The following SMOC1 variants were observed in gnomAD, a reference collection of about 807,000 sequenced individuals.
SMOC1 encodes SPARC-related modular calcium-binding protein 1.
Under a neutral mutation model 56.3 loss-of-function variants are expected in SMOC1, and 22 were observed. The ratio of observed to expected loss-of-function variants is 0.39; its 90% CI spans 0.28 to 0.56. The LOEUF is 0.56. Among genes scored for constraint, SMOC1 ranks in the 20% least tolerant of loss-of-function variants. The pLI, the probability that SMOC1 is intolerant of heterozygous loss-of-function variation, is 0.61. For missense variants in SMOC1, 509 were observed against 565.4 expected (o/e 0.90, Z 1.01); for synonymous variants, 193 against 215.0 (o/e 0.90, Z 0.89).
intron 1 of SMOC1, among the ~76,000 whole-genome samples, chr14:69,919,732 C>T (rs1166498619): frequency 6.6e-6 from 1 of 152,194 alleles, no homozygotes; most frequent in African/African-American, 2.4e-5. Context: ...AATCCTGCCT[C>T]ATTCACTCTC....
chr14:69,922,104 A>T (rs1034341187), intron 1 of SMOC1, among the ~76,000 whole-genome samples: 3 of 152,206 alleles, frequency 2.0e-5, no homozygotes, highest in African/African-American at 7.2e-5. Context: ...AGCGGTCATG[A>T]TACAGAGCTC....
At chr14:69,899,493 C>T (rs188267858) in intron 1 of SMOC1, among the ~76,000 whole-genome samples, 85 of 152,232 alleles carry the variant, frequency 5.6e-4, no homozygotes, top group South Asian at 2.3e-3. Flanking sequence ...TTATGCCTTC[C>T]GCTATGATTG....
At position 69,992,432 on chromosome 14, in the gene SMOC1, C is replaced by G; in HGVS notation, c.542C>G (p.Pro181Arg). The G allele has an allele frequency of 6.2e-7, 1 of 1,614,024 alleles. No homozygotes were observed. Among genetic ancestry groups the G allele is most frequent in the Non-Finnish European group, 8.5e-7 (1 of 1,179,962 alleles). ...CTCAATTCAGATGACGGGTCTAAGC[C>G]GACACCCACGATGGAGACCCAGCCG... ...NSGRKDDGSK[P>R]TPTMETQPVF... The change falls in exon 6 of 12, where the codon CCG (proline) becomes CGG (arginine). Residue 181 changes from proline to arginine, a missense_variant. Pro to Arg is a moderately radical substitution (Grantham distance 103). Coordinates refer to ENST00000361956, the MANE Select transcript of SMOC1 (RefSeq NM_001034852.3).
At chr14:70,011,239 C>A (rs925687354) in intron 8 of SMOC1, among the ~76,000 whole-genome samples, 3 of 152,178 alleles carry the variant, frequency 2.0e-5, no homozygotes, top group African/African-American at 7.2e-5. Flanking sequence ...AAAAAAGATA[C>A]TGCGTGCAGC....
chr14:69,901,050 A>G (rs1884230064), intron 1 of SMOC1, among the ~76,000 whole-genome samples: 1 of 152,246 alleles, frequency 6.6e-6, no homozygotes, highest in African/African-American at 2.4e-5. Context: ...GTCCAATTCC[A>G]TGGAAGACCA....
intron 1 of SMOC1, among the ~76,000 whole-genome samples, chr14:69,912,491 G>A (rs2139349824): frequency 6.6e-6 from 1 of 152,314 alleles, no homozygotes; most frequent in East Asian, 1.9e-4. Flanking sequence ...GCCTCATGCA[G>A]TCCTCCCGTG....
chr14:70,013,602 G>GA, intron 10 of SMOC1, 111 bp downstream of exon 10: 1 of 905,374 alleles, frequency 1.1e-6, no homozygotes, highest in South Asian at 1.3e-5. Context: ...GCAAGGGCTG[G>GA]AAGTTGATCT....
intron 1 of SMOC1, among the ~76,000 whole-genome samples, chr14:69,919,918 C>CA (rs1161230188): frequency 6.7e-6 from 1 of 149,774 alleles, no homozygotes; most frequent in Non-Finnish European, 1.5e-5. Context: ...ATACCCCCCC[C>CA]CCCCTTTCTC....
chr14:69,969,644 G>C (rs968605553), intron 3 of SMOC1, among the ~76,000 whole-genome samples: 1 of 152,186 alleles, frequency 6.6e-6, no homozygotes, highest in Admixed American at 6.5e-5. Context: ...CATGAGATTT[G>C]GATGGGGACA....
In SMOC1 at chr14:69,902,943, G is replaced by A. The variant is rs552890718; in HGVS notation, c.99+23166G>A. On this transcript the variant is annotated intron_variant, in intron 1 of 11. Transcript: ENST00000361956. The stretch of plus-strand genomic sequence containing the variant: ...TGCTCAGTGTTGCCTAGGCTGGAGT[G>A]CAGTGGCGTGATCTCGGCTCGCTGC... 3.3e-5 allele frequency among the ~76,000 whole-genome samples: 5 copies of A among 152,328 alleles called. No individual in the cohort carries two copies. The East Asian group carries it at 9.7e-4, about 29-fold the overall frequency.
intron 1 of SMOC1, among the ~76,000 whole-genome samples, chr14:69,909,363 C>G (rs536930997): frequency 6.6e-6 from 1 of 152,210 alleles, no homozygotes; most frequent in East Asian, 1.9e-4. Context: ...CAGGAATTGG[C>G]TGAGCTCTTC....
At chr14:69,960,925 T>C (rs1159685099) in intron 3 of SMOC1, among the ~76,000 whole-genome samples, 1 of 152,168 alleles carries the variant, frequency 6.6e-6, no homozygotes, top group African/African-American at 2.4e-5. Flanking sequence ...AATTTGTGCA[T>C]CATAAAAGTT....
At chr14:69,881,612 ACTCT>A (rs990187995) in intron 1 of SMOC1, among the ~76,000 whole-genome samples, 1 of 151,676 alleles carries the variant, frequency 6.6e-6, no homozygotes, top group African/African-American at 2.4e-5. Flanking sequence ...GCTGCTTCAC[ACTCT>A]CTCTCTCCTT....
chr14:69,961,318 A>ATC (rs1491083295), intron 3 of SMOC1, among the ~76,000 whole-genome samples: 1 of 114,374 alleles, frequency 8.7e-6, no homozygotes, highest in East Asian at 2.4e-4. Context: ...ATATATATAT[A>ATC]TCCTGTTTTA....
At chr14:69,941,480 C>T (rs1287915009) in intron 1 of SMOC1, among the ~76,000 whole-genome samples, 1 of 152,190 alleles carries the variant, frequency 6.6e-6, no homozygotes, top group Non-Finnish European at 1.5e-5. Flanking sequence ...CCAGCCCCTT[C>T]GTTGGCCCAA....
intron 1 of SMOC1, among the ~76,000 whole-genome samples, chr14:69,880,495 G>A (rs1225460292): frequency 6.6e-6 from 1 of 152,138 alleles, no homozygotes; most frequent in African/African-American, 2.4e-5. Context: ...TCTGTGCACA[G>A]GACAGATTGT....
intron 1 of SMOC1, among the ~76,000 whole-genome samples, chr14:69,922,756 G>T (rs1884881310): frequency 6.6e-6 from 1 of 151,866 alleles, no homozygotes; most frequent in Non-Finnish European, 1.5e-5. Context: ...TGTGTATGGT[G>T]TGTGTGTGTG....
chr14:69,987,932 C>A (rs921407252), intron 5 of SMOC1, among the ~76,000 whole-genome samples: 1 of 152,164 alleles, frequency 6.6e-6, no homozygotes, highest in African/African-American at 2.4e-5. Flanking sequence ...AAGGACAAGG[C>A]GTGACTGGGG....
At chr14:69,953,030 T>G (rs920960052) in intron 2 of SMOC1, among the ~76,000 whole-genome samples, 17 of 152,248 alleles carry the variant, frequency 1.1e-4, no homozygotes, top group African/African-American at 4.1e-4. Flanking sequence ...CAGGCTGCGC[T>G]AGAGCCTCTG....
Sources: gnomAD v4.1 joint callset for allele counts (sites outside exome capture counted in the v4.1 genomes callset) on GRCh38, gnomAD v4.1.1 for gene constraint, MANE v1.5 for transcripts, NCBI Gene and HGNC (gene_info 2026-07-23, HGNC 2026-07-21) for gene names.